Variants in STK3 observed in about 807,000 individuals in gnomAD.
STK3 encodes serine/threonine-protein kinase 3.
In STK3, 41 loss-of-function variants were observed where a neutral mutation model predicts 58.0. The ratio of observed to expected loss-of-function variants is 0.71; its 90% CI spans 0.55 to 0.92. The LOEUF (loss-of-function observed/expected upper bound fraction) is 0.92, where lower values mean the gene tolerates loss of function less well. Among genes scored for constraint, STK3 ranks in the 40% least tolerant of loss-of-function variants. The probability of loss-of-function intolerance (pLI) is 0.00; values close to 1 mark genes in which losing one functional copy is unlikely to be tolerated. For synonymous variants in STK3, 170 were observed against 191.0 expected (o/e 0.89, Z 0.91); for missense variants, 479 against 602.7 (o/e 0.79, Z 2.15).
At chr8:98,541,240 AG>A (rs1216931778) in intron 9 of STK3, among the ~76,000 whole-genome samples, 1 of 152,026 alleles carries the variant, frequency 6.6e-6, no homozygotes, top group Admixed American at 6.5e-5. Context: ...CCAGTGCTGG[AG>A]GGGGGACTGG....
At chr8:98,830,490 GA>G (rs1214437924), upstream of STK3, among the ~76,000 whole-genome samples, 1 of 150,306 alleles carries the variant, frequency 6.7e-6, no homozygotes, top group Admixed American at 6.6e-5. Context: ...CTTAGAAGAA[GA>G]AAAAAAAATG....
At chr8:98,623,930 T>G (rs983918748) in intron 6 of STK3, among the ~76,000 whole-genome samples, 21 of 152,218 alleles carry the variant, frequency 1.4e-4, no homozygotes, top group African/African-American at 5.1e-4. Context: ...AAATAAACTG[T>G]TGTTGTTTAA....
In STK3 at chr8:98,926,283, T is replaced by C. The variant is rs146621131; in HGVS notation, c.-79+16095A>G. On this transcript the variant is annotated intron_variant, in intron 1 of 1. Transcript: ENST00000519420. ...TCCTAGATCACATTTGCAGCTGCTT[T>C]TATCTGCTCTTTAGAAGTTCTTATA... Among the ~76,000 whole-genome samples the C allele has an allele frequency of 2.4e-4, 36 of 152,334 alleles. No homozygotes were observed. The East Asian group carries it at 6.2e-3, about 26-fold the overall frequency.
At position 98,800,379 on chromosome 8, in the gene STK3, CA is replaced by C; in HGVS notation, c.26+25135del. Among the ~76,000 whole-genome samples, 1 of 152,330 alleles carries C rather than the reference CA, an allele frequency of 6.6e-6. No homozygotes were observed. Among genetic ancestry groups the C allele is most frequent in the Non-Finnish European group, 1.5e-5 (1 of 68,022 alleles). On this transcript the variant is annotated intron_variant, in intron 1 of 10. Transcript: ENST00000419617. The surrounding 1 kb of genome is among the most constrained non-coding windows in gnomAD (Gnocchi z 4.8). ...TTAGAGCGGTCATCGGCCAAATTCC[CA>C]ACAGCAGTTGGGGTGTCCTGTTTAG...
chr8:98,462,156 G>T (rs975851798), intron 10 of STK3, among the ~76,000 whole-genome samples: 2 of 152,052 alleles, frequency 1.3e-5, no homozygotes, highest in Non-Finnish European at 2.9e-5. Flanking sequence ...TAACCCTGTT[G>T]TGCTATCAAA....
chr8:98,937,004 A>G (rs1840222400), intron 1 of STK3, among the ~76,000 whole-genome samples: 5 of 152,230 alleles, frequency 3.3e-5, no homozygotes, highest in Non-Finnish European at 7.3e-5. Context: ...TCATACTGGT[A>G]TGTCTCCAGA....
At chr8:98,779,957 G>C (rs1239217249) in intron 1 of STK3, among the ~76,000 whole-genome samples, 2 of 81,466 alleles carry the variant, frequency 2.5e-5, no homozygotes, top group Admixed American at 9.9e-5. Flanking sequence ...TCATGTGCTA[G>C]TATATATGTG....
At chr8:98,941,383 G>GA (rs1840422054) in intron 1 of STK3, among the ~76,000 whole-genome samples, 1 of 152,146 alleles carries the variant, frequency 6.6e-6, no homozygotes, top group South Asian at 2.1e-4. Flanking sequence ...AGGCTCTGGC[G>GA]AAAAACGGCC....
chr8:98,766,782 T>A (rs1423811702), intron 3 of STK3, among the ~76,000 whole-genome samples: 1 of 152,162 alleles, frequency 6.6e-6, no homozygotes, highest in Non-Finnish European at 1.5e-5. Context: ...GACAAAGCCA[T>A]CCTCATCTGC....
Position 98,787,182 on chromosome 8 carries a change from A to AG in STK3, c.27-12364_27-12363insC, listed in dbSNP as rs2131558519. Reference sequence around the variant, plus strand: ...GACTCCACCTCAAAAAAAAAAAAAAAAAAAAAAAAAAACAAGAACTGAAGG... The same window carrying AG: ...GACTCCACCTCAAAAAAAAAAAAAAAGAAAAAAAAAAAACAAGAACTGAAGG... On this transcript the variant is annotated intron_variant, in intron 1 of 10. Coordinates refer to ENST00000419617, the MANE Select transcript of STK3 (RefSeq NM_006281.4). Among the ~76,000 whole-genome samples the AG allele has an allele frequency of 2.0e-5, 3 of 149,846 alleles. No individual in the cohort carries two copies. In the East Asian group the frequency reaches 5.8e-4, roughly 29 times the overall value.
chr8:98,889,733 C>G (rs928514557), intron 1 of STK3: 1 of 152,170 alleles, frequency 6.6e-6, no homozygotes, highest in African/African-American at 2.4e-5. Context: ...TCAGAATCAC[C>G]TGAATTCAGG....
chr8:98,585,669 C>T (rs1258830141), intron 7 of STK3, among the ~76,000 whole-genome samples: 28 of 151,630 alleles, frequency 1.8e-4, no homozygotes, highest in Non-Finnish European at 5.9e-5. Context: ...GGCATTGAAT[C>T]TGTAAATTAC....
At chr8:98,462,062 C>T (rs567801002) in intron 10 of STK3, among the ~76,000 whole-genome samples, 2 of 152,196 alleles carry the variant, frequency 1.3e-5, no homozygotes, top group South Asian at 2.1e-4. Flanking sequence ...TATCCATCCC[C>T]TCAAGCATTT....
intron 1 of STK3, among the ~76,000 whole-genome samples, chr8:98,913,168 A>G (rs1326786571): frequency 6.6e-6 from 1 of 152,076 alleles, no homozygotes; most frequent in Non-Finnish European, 1.5e-5. Flanking sequence ...AACCTGTTGT[A>G]TTTTGAAAAA....
At chr8:98,728,203 T>G (rs1361649985) in intron 4 of STK3, among the ~76,000 whole-genome samples, 2 of 152,128 alleles carry the variant, frequency 1.3e-5, no homozygotes, top group Non-Finnish European at 2.9e-5. Context: ...ACAAATCTAT[T>G]TCATTCCACC....
intron 6 of STK3, among the ~76,000 whole-genome samples, chr8:98,664,029 T>C (rs1013035605): frequency 2.6e-5 from 4 of 152,320 alleles, no homozygotes; most frequent in South Asian, 2.1e-4. Flanking sequence ...TTATTATTAC[T>C]ATAATTATTA....
intron 1 of STK3, among the ~76,000 whole-genome samples, chr8:98,791,822 G>C (rs1433734347): frequency 6.6e-6 from 1 of 152,174 alleles, no homozygotes; most frequent in Non-Finnish European, 1.5e-5. Context: ...GCTCAAGATG[G>C]ATCAGGGACT....
rs574603909 is a variant in STK3 at position 98,738,222 on chromosome 8, A to G, written c.351+11054T>C. ...GCCAGACACGGTGGCTCATGCCTCTAATCTCAACACTTTAGATGACCGGGT... is the reference window on the plus strand; with the variant it reads ...GCCAGACACGGTGGCTCATGCCTCTGATCTCAACACTTTAGATGACCGGGT... On this transcript the variant is annotated intron_variant, in intron 4 of 10. Coordinates refer to ENST00000419617, the MANE Select transcript of STK3 (RefSeq NM_006281.4). 6.8e-4 allele frequency among the ~76,000 whole-genome samples: 103 copies of G among 152,226 alleles called. 1 individual carries two copies. The highest frequency in any genetic ancestry group is 2.1e-3 in the Admixed American group (32 of 15,298).
At chr8:98,461,879 G>A (rs73273988) in intron 10 of STK3, among the ~76,000 whole-genome samples, 1,705 of 152,230 alleles carry the variant, frequency 0.011, 42 homozygotes, top group African/African-American at 0.039. Context: ...TTCCTTTACA[G>A]GTTACATAAC....
Sources: gnomAD v4.1 joint callset for allele counts (sites outside exome capture counted in the v4.1 genomes callset) on GRCh38, gnomAD v4.1.1 for gene constraint, Gnocchi (gnomAD v3.1) non-coding constraint, MANE v1.5 for transcripts, NCBI Gene and HGNC (gene_info 2026-07-23, HGNC 2026-07-21) for gene names.